The following SHISA9 variants were observed in gnomAD, a reference collection of about 807,000 sequenced individuals.
SHISA9 encodes protein shisa-9.
A neutral mutation model predicts 38.0 loss-of-function variants in SHISA9; 13 were observed. That is an observed-to-expected ratio of 0.34 (90% CI 0.22 to 0.54). SHISA9 has a LOEUF of 0.54. Ranked by LOEUF, SHISA9 falls within the 20% of genes least tolerant of loss-of-function variation. The pLI, the probability that SHISA9 is intolerant of heterozygous loss-of-function variation, is 0.91. For missense variants in SHISA9, 538 were observed against 575.8 expected (o/e 0.93, Z 0.67); for synonymous variants, 275 against 242.0 (o/e 1.14, Z -1.27).
At chr16:13,321,651 G>T in the SHISA9 span, among the ~76,000 whole-genome samples, 2 of 152,168 alleles carry the variant, frequency 1.3e-5, no homozygotes. Context: ...GTTGCATATT[G>T]TACATGTTTC....
chr16:13,233,073 C>A (rs533425187), intron 4 of SHISA9, among the ~76,000 whole-genome samples: 1 of 152,152 alleles, frequency 6.6e-6, no homozygotes, highest in Non-Finnish European at 1.5e-5. Flanking sequence ...AATATTTTGA[C>A]TTTCTTCTTT....
chr16:13,279,662 C>G, the SHISA9 span, among the ~76,000 whole-genome samples: 1 of 151,846 alleles, frequency 6.6e-6, no homozygotes, highest in African/African-American at 2.4e-5. Context: ...TCAAAGATGT[C>G]CAGGCAGTCG....
chr16:13,506,674 A>G, the SHISA9 span, among the ~76,000 whole-genome samples: 3 of 152,088 alleles, frequency 2.0e-5, no homozygotes, highest in African/African-American at 7.2e-5. Context: ...GAGAAAGGGG[A>G]TTAGAAGGTG....
intron 2 of SHISA9, among the ~76,000 whole-genome samples, chr16:13,096,424 A>G (rs1359681403): frequency 6.6e-6 from 1 of 152,170 alleles, no homozygotes; most frequent in Non-Finnish European, 1.5e-5. Flanking sequence ...ATCATTTACC[A>G]TGTGTTAAAT....
chr16:13,203,957 T>A (rs931233380), intron 3 of SHISA9, among the ~76,000 whole-genome samples: 8 of 152,054 alleles, frequency 5.3e-5, no homozygotes, highest in African/African-American at 1.9e-4. Context: ...ATCATCTGTC[T>A]GTCTATCATC....
At chr16:13,075,376 G>T (rs952453584) in intron 2 of SHISA9, among the ~76,000 whole-genome samples, 2 of 152,144 alleles carry the variant, frequency 1.3e-5, no homozygotes, top group Admixed American at 1.3e-4. Context: ...AGCTTGCATG[G>T]CTCCCTGAGC....
intron 2 of SHISA9, among the ~76,000 whole-genome samples, chr16:13,171,159 A>G (rs575931690): frequency 3.9e-5 from 6 of 152,156 alleles, no homozygotes; most frequent in African/African-American, 1.4e-4. Flanking sequence ...GACAGCAAAG[A>G]TCCCAGACTC....
the SHISA9 span, among the ~76,000 whole-genome samples, chr16:13,272,728 A>G: frequency 3.0e-4 from 45 of 152,348 alleles, no homozygotes; most frequent in Non-Finnish European, 4.7e-4. Flanking sequence ...TACTGGTAGA[A>G]TGCCTTGGCA....
intron 2 of SHISA9, among the ~76,000 whole-genome samples, chr16:13,174,355 G>A (rs2050713817): frequency 6.6e-6 from 1 of 152,046 alleles, no homozygotes. Context: ...TTGCAGTCTG[G>A]CCCCAGATCA....
intron 2 of SHISA9, among the ~76,000 whole-genome samples, chr16:13,177,423 A>G (rs546203909): frequency 6.6e-6 from 1 of 152,298 alleles, no homozygotes; most frequent in Non-Finnish European, 1.5e-5. Flanking sequence ...CTCAATAACA[A>G]AGTATTGCCA....
At chr16:13,144,139 C>T (rs974622275) in intron 2 of SHISA9, among the ~76,000 whole-genome samples, 2 of 144,472 alleles carry the variant, frequency 1.4e-5, no homozygotes, top group African/African-American at 2.5e-5. Context: ...GATTATTTTG[C>T]AGTTGGAGGG....
chr16:13,357,966 T>C, the SHISA9 span, among the ~76,000 whole-genome samples: 3 of 152,254 alleles, frequency 2.0e-5, no homozygotes, highest in East Asian at 1.9e-4. Flanking sequence ...TTCACTTCTT[T>C]TGTGATTCTT....
At chr16:13,001,199 A>G (rs1307437269) in intron 2 of SHISA9, among the ~76,000 whole-genome samples, 1 of 152,216 alleles carries the variant, frequency 6.6e-6, no homozygotes, top group Non-Finnish European at 1.5e-5. Flanking sequence ...AAGTGCTGGG[A>G]TTACAGGCGT....
the SHISA9 span, among the ~76,000 whole-genome samples, chr16:13,462,946 A>G: frequency 6.6e-6 from 1 of 151,844 alleles, no homozygotes. Flanking sequence ...TGAGCGACAG[A>G]GGGAGACTCC....
At chr16:12,928,782 C>T (rs1234379318) in intron 2 of SHISA9, among the ~76,000 whole-genome samples, 1 of 152,242 alleles carries the variant, frequency 6.6e-6, no homozygotes, top group African/African-American at 2.4e-5. Flanking sequence ...AGAAGCTCCT[C>T]ATTCTGCAGA....
At chr16:13,043,575 T>TA (rs2073156036) in intron 2 of SHISA9, among the ~76,000 whole-genome samples, 1 of 152,226 alleles carries the variant, frequency 6.6e-6, no homozygotes. Context: ...ACTAACCTAA[T>TA]ATGAAGACCC....
the SHISA9 span, among the ~76,000 whole-genome samples, chr16:13,390,498 C>G: frequency 6.6e-6 from 1 of 152,180 alleles, no homozygotes; most frequent in Non-Finnish European, 1.5e-5. Flanking sequence ...CTTTCAGTCT[C>G]TCTGTTATTC....
intron 2 of SHISA9, among the ~76,000 whole-genome samples, chr16:13,019,947 CTTTCTTTCTT>C (rs1567184250): frequency 7.1e-5 from 7 of 98,958 alleles, no homozygotes; most frequent in East Asian, 2.7e-4. Flanking sequence ...TTCTTTCTTT[CTTTCTTTCTT>C]TCCCTCCTTC....
At chr16:13,294,254 G>A in the SHISA9 span, among the ~76,000 whole-genome samples, 1 of 152,160 alleles carries the variant, frequency 6.6e-6, no homozygotes, top group Admixed American at 6.5e-5. Flanking sequence ...TATATCACAT[G>A]ACCATGGATT....
Sources: gnomAD v4.1 joint callset for allele counts (sites outside exome capture counted in the v4.1 genomes callset) on GRCh38, gnomAD v4.1.1 for gene constraint, MANE v1.5 for transcripts, NCBI Gene and HGNC (gene_info 2026-07-23, HGNC 2026-07-21) for gene names.